Variants in SLC35E4 observed in about 807,000 individuals in gnomAD.
SLC35E4 encodes the protein solute carrier family 35, member E4.
SLC35E4 carries 15 observed loss-of-function variants against 19.3 expected under a neutral mutation model. That is an observed-to-expected ratio of 0.78 (90% CI 0.52 to 1.20). The LOEUF (loss-of-function observed/expected upper bound fraction) is 1.20, where lower values mean the gene tolerates loss of function less well. SLC35E4 is among the 50% of genes most tolerant of loss of function. SLC35E4 has a pLI of 0.00. For synonymous variants in SLC35E4, 219 were observed against 219.9 expected (o/e 1.00, Z 0.04); for missense variants, 406 against 472.3 (o/e 0.86, Z 1.30).
At chr22:30,644,982 A>G (rs2088104864) in intron 1 of SLC35E4, among the ~76,000 whole-genome samples, 2 of 48,108 alleles carry the variant, frequency 4.2e-5, no homozygotes, top group East Asian at 5.9e-4. Context: ...TTAGCAGGAA[A>G]AAAAAAAGAT....
At chr22:30,654,957 T>G (rs2088304302) in intron 2 of SLC35E4, 1 of 161,090 alleles carries the variant, frequency 6.2e-6, no homozygotes, top group African/African-American at 2.4e-5. Flanking sequence ...ATCCTCGTTG[T>G]CCATATGAGG....
At chr22:30,639,605 C>A (rs1195701606) in intron 1 of SLC35E4, among the ~76,000 whole-genome samples, 1 of 152,172 alleles carries the variant, frequency 6.6e-6, no homozygotes, top group East Asian at 1.9e-4. Flanking sequence ...TTTTAGAGGC[C>A]TACCCTCAGG....
In SLC35E4 at chr22:30,646,947, C is replaced by T. The variant is rs1344673219; in HGVS notation, c.969C>T (p.Phe323=). The T allele has an allele frequency of 1.2e-6, 2 of 1,614,162 alleles. No individual in the cohort carries two copies. The highest frequency in any genetic ancestry group is 1.7e-6 in the Non-Finnish European group (2 of 1,180,048). ...TCGCACTCACTCTTTCAGGAATGTTCCTTTACCACAACTGCGAGTTCGTGG... is the reference window on the plus strand; with the variant it reads ...TCGCACTCACTCTTTCAGGAATGTTTCTTTACCACAACTGCGAGTTCGTGG... ...VGIALTLSGM[F]LYHNCEFVAS... The change falls in exon 2 of 2, where the codon TTC becomes TTT. Residue 323 remains phenylalanine (F), a synonymous_variant. Transcript: ENST00000343605.
In SLC35E4 at chr22:30,636,765, C is replaced by T. The variant is rs1338897872; in HGVS notation, c.315C>T (p.Gly105=). The part of the protein sequence containing the change: ...HRGARRPMPG[G]TRCRVLLLSL... Reference sequence around the variant, plus strand: ...GGGCACGGCGCCCCATGCCAGGCGGCACTCGCTGCCGAGTCCTACTGCTCA... The same window carrying T: ...GGGCACGGCGCCCCATGCCAGGCGGTACTCGCTGCCGAGTCCTACTGCTCA... Residue 105 remains glycine, a synonymous_variant, in exon 1 of 2, where the codon GGC becomes GGT. Transcript: ENST00000343605. 1 of 1,611,958 alleles carries T rather than the reference C, an allele frequency of 6.2e-7. No individual in the cohort carries two copies. Among genetic ancestry groups the T allele is most frequent in the Non-Finnish European group, 8.5e-7 (1 of 1,179,422 alleles).
chr22:30,663,222 G>A, exon 3 of SLC35E4: 1 of 565,386 alleles, frequency 1.8e-6, no homozygotes, highest in Non-Finnish European at 3.1e-6. Context: ...CACTCACAGG[G>A]CAGAAAATTT....
chr22:30,661,348 G>A (rs1055735372), intron 2 of SLC35E4: 21 of 151,968 alleles, frequency 1.4e-4, no homozygotes, highest in Non-Finnish European at 2.2e-4. Flanking sequence ...GAGTTGGGAT[G>A]CTCAAGTAAT....
intron 2 of SLC35E4, chr22:30,661,501 T>C (rs965559343): frequency 1.3e-5 from 2 of 148,806 alleles, no homozygotes; most frequent in African/African-American, 4.9e-5. Context: ...CAGGCTGGAG[T>C]GCAATGGTGC....
chr22:30,644,325 G>C (rs532069807), intron 1 of SLC35E4, among the ~76,000 whole-genome samples: 2 of 152,278 alleles, frequency 1.3e-5, no homozygotes, highest in South Asian at 4.1e-4. Flanking sequence ...GTGGCTTTTT[G>C]GAAAGTGTGT....
downstream of SLC35E4, among the ~76,000 whole-genome samples, chr22:30,648,847 A>G (rs1008398040): frequency 6.6e-6 from 1 of 152,122 alleles, no homozygotes; most frequent in Non-Finnish European, 1.5e-5. Context: ...CTCTTTCAAA[A>G]AAAAAAAGGG....
chr22:30,658,199 G>A (rs1184771815), intron 2 of SLC35E4, among the ~76,000 whole-genome samples: 2 of 151,532 alleles, frequency 1.3e-5, no homozygotes, highest in African/African-American at 4.9e-5. Context: ...CCCACTGGCT[G>A]CAACTAAAAG....
At chr22:30,667,114 T>C (rs2088702535), downstream of SLC35E4, 1 of 152,200 alleles carries the variant, frequency 6.6e-6, no homozygotes, top group South Asian at 2.1e-4. Flanking sequence ...ATGAAGTATT[T>C]GGCTTCCCTC....
At chr22:30,663,924 A>G (rs1184611787), downstream of SLC35E4, 2 of 1,614,188 alleles carry the variant, frequency 1.2e-6, no homozygotes, top group African/African-American at 1.3e-5. Flanking sequence ...GCTGATATAC[A>G]GGCTTTTGGT....
chr22:30,662,069 T>C (rs2088491075), exon 3 of SLC35E4: 1 of 151,764 alleles, frequency 6.6e-6, no homozygotes. Context: ...GGGTAACTTT[T>C]TGGAAGAGTA....
At position 30,636,141 on chromosome 22, in the gene SLC35E4, A is replaced by C; in HGVS notation, c.-310A>C. ...TTTCATCTAAAAGCATAACGTGGGC[A>C]CTAGGCGAGGAGGAAAGTGGAGACC... On this transcript the variant is annotated 5_prime_UTR_variant, in exon 1 of 2. Transcript: ENST00000343605. 2.6e-6 allele frequency: 1 copy of C among 383,560 alleles called. No homozygotes were observed. Among genetic ancestry groups the C allele is most frequent in the South Asian group, 8.1e-5 (1 of 12,300 alleles). 23.8% of individuals were successfully genotyped at this position (383,560 alleles called of 1,614,324 possible).
chr22:30,666,650 A>ATCTC (rs1244912518), downstream of SLC35E4, among the ~76,000 whole-genome samples: 2 of 149,156 alleles, frequency 1.3e-5, no homozygotes, highest in Non-Finnish European at 1.5e-5. Context: ...AAAAAAAGCA[A>ATCTC]TCTCTATCAG....
chr22:30,668,585 G>A (rs1190187115), exon 3 of SLC35E4: 1 of 152,288 alleles, frequency 6.6e-6, no homozygotes, highest in Non-Finnish European at 1.5e-5. Context: ...TCCCAGGCAT[G>A]ACATCGTGTG....
Position 30,636,760 on chromosome 22 carries a change from G to C in SLC35E4, c.310G>C (p.Gly104Arg). Residue 104 changes from glycine to arginine, a missense_variant, in exon 1 of 2, where the codon GGC (glycine) becomes CGC (arginine). By Grantham distance (125) the Gly-to-Arg change is moderately radical. Coordinates refer to ENST00000343605, the MANE Select transcript of SLC35E4 (RefSeq NM_001001479.4). Reference sequence around the variant, plus strand: ...CCGGGGGGCACGGCGCCCCATGCCAGGCGGCACTCGCTGCCGAGTCCTACT... The same window carrying C: ...CCGGGGGGCACGGCGCCCCATGCCACGCGGCACTCGCTGCCGAGTCCTACT... Reference protein sequence around the residue: ...CHRGARRPMPGGTRCRVLLLS... With the variant: ...CHRGARRPMPRGTRCRVLLLS... 1 of 1,612,200 alleles carries C rather than the reference G, an allele frequency of 6.2e-7. No homozygotes were observed.
chr22:30,636,407 C>A lies in SLC35E4; in HGVS notation c.-44C>A. 1.4e-6 allele frequency: 2 copies of A among 1,443,690 alleles called. No homozygotes were observed. The highest frequency in any genetic ancestry group is 2.9e-5 in the South Asian group (2 of 69,964). The allele number at this position is 1,443,690 out of a possible 1,614,324, so 89.4% of individuals were successfully genotyped here. A position where few individuals can be genotyped will look rare whatever the true frequency, so the allele number is the denominator to read the frequency against. ...CGGAACTCTCTGGTGGCCCAGAGGT[C>A]GTCACTGGGGAGCCCGCCTCCTGCC... On this transcript the variant is annotated 5_prime_UTR_variant, in exon 1 of 2. Coordinates refer to ENST00000343605, the MANE Select transcript of SLC35E4 (RefSeq NM_001001479.4).
At chr22:30,661,451 T>TC in intron 2 of SLC35E4, 1 of 149,512 alleles carries the variant, frequency 6.7e-6, no homozygotes, top group East Asian at 2.0e-4. Context: ...TTTCTTTTTT[T>TC]TTTTTTTTCT....
Sources: allele counts gnomAD v4.1 joint callset (sites outside exome capture counted in the v4.1 genomes callset), GRCh38; gene constraint gnomAD v4.1.1; transcripts MANE v1.5; gene names NCBI Gene and HGNC (gene_info 2026-07-23, HGNC 2026-07-21).